KCNT2: variants seen among roughly 807,000 people sequenced by gnomAD.
The protein encoded by KCNT2 is potassium channel subfamily T member 2.
In KCNT2, 67 loss-of-function variants were observed where a neutral mutation model predicts 153.8. The observed-to-expected ratio is 0.44, with a 90% CI of 0.36 to 0.53. KCNT2 has a LOEUF of 0.53. KCNT2 is among the 20% of genes least tolerant of loss of function. The pLI is 0.00. For missense variants in KCNT2, 975 were observed against 1,354.8 expected (o/e 0.72, Z 4.40); for synonymous variants, 500 against 458.8 (o/e 1.09, Z -1.15).
At chr1:196,588,339 A>C (rs567096268) in intron 1 of KCNT2, among the ~76,000 whole-genome samples, 37 of 152,106 alleles carry the variant, frequency 2.4e-4, no homozygotes, top group South Asian at 6.2e-4. Flanking sequence ...TGCAGTACAC[A>C]ACAAATGTGA....
chr1:196,281,119 A>G (rs571043558), intron 24 of KCNT2, 131 bp from the exon 25 acceptor site: 4 of 669,028 alleles, frequency 6.0e-6, no homozygotes, highest in East Asian at 2.8e-5. Context: ...CTACAGTGCA[A>G]CGGTGCAACC....
At chr1:196,431,268 A>G (rs1480614668) in intron 8 of KCNT2, among the ~76,000 whole-genome samples, 2 of 152,176 alleles carry the variant, frequency 1.3e-5, no homozygotes, top group Non-Finnish European at 2.9e-5. Context: ...ACACTGAGAA[A>G]TAGGGTGTTG....
chr1:196,269,962 C>T (rs1230567242), intron 25 of KCNT2, among the ~76,000 whole-genome samples: 2 of 151,994 alleles, frequency 1.3e-5, no homozygotes, highest in Non-Finnish European at 2.9e-5. Flanking sequence ...CCTTAATTTT[C>T]TCATGTTTCT....
chr1:196,519,695 G>A (rs995099852), intron 1 of KCNT2, among the ~76,000 whole-genome samples: 1 of 152,034 alleles, frequency 6.6e-6, no homozygotes, highest in African/African-American at 2.4e-5. Flanking sequence ...AAACCTAGAT[G>A]AGATGGATAA....
intron 1 of KCNT2, among the ~76,000 whole-genome samples, chr1:196,606,872 A>G (rs112420504): frequency 0.059 from 9,020 of 152,272 alleles, 407 homozygotes; most frequent in Non-Finnish European, 0.088. Flanking sequence ...AATTTGTATT[A>G]CAAATTCACT....
At chr1:196,411,093 CCTTCCTTCCTTCCTTCCT>C (rs1672277654) in intron 12 of KCNT2, among the ~76,000 whole-genome samples, 3 of 68,936 alleles carry the variant, frequency 4.4e-5, no homozygotes, top group Non-Finnish European at 6.7e-5. Context: ...TTCCTTCCTT[CCTTCCTTCCTTCCTTCCT>C]TCCTTCCTTC....
intron 1 of KCNT2, among the ~76,000 whole-genome samples, chr1:196,554,432 A>C (rs574757176): frequency 1.3e-5 from 2 of 151,364 alleles, no homozygotes; most frequent in East Asian, 3.9e-4. Context: ...CTAGACACAT[A>C]GGGAGTACCA....
intron 1 of KCNT2, among the ~76,000 whole-genome samples, chr1:196,575,988 A>AAAG (rs1174172551): frequency 7.5e-4 from 114 of 151,494 alleles, no homozygotes; most frequent in Admixed American, 3.4e-3. Context: ...AAAAAAAAAA[A>AAAG]AAAAAATTGA....
chr1:196,399,018 A>G (rs1277358276), intron 12 of KCNT2, among the ~76,000 whole-genome samples: 1 of 151,620 alleles, frequency 6.6e-6, no homozygotes, highest in African/African-American at 2.4e-5. Context: ...GAAATCAAAA[A>G]TGTACATATA....
At chr1:196,545,548 T>A (rs1345192037) in intron 1 of KCNT2, among the ~76,000 whole-genome samples, 1 of 151,980 alleles carries the variant, frequency 6.6e-6, no homozygotes, top group Non-Finnish European at 1.5e-5. Flanking sequence ...CTTTAATAGA[T>A]TTTTTGCCGT....
chr1:196,584,684 C>T (rs1662465046), intron 1 of KCNT2, among the ~76,000 whole-genome samples: 2 of 151,918 alleles, frequency 1.3e-5, no homozygotes, highest in African/African-American at 4.8e-5. Flanking sequence ...AGAGAAAATT[C>T]CTGTCAACTT....
chr1:196,418,947 C>A (rs1400326642), intron 12 of KCNT2, among the ~76,000 whole-genome samples: 3 of 151,956 alleles, frequency 2.0e-5, no homozygotes, highest in Non-Finnish European at 4.4e-5. Flanking sequence ...TGAAGTTCTC[C>A]ACTCCTCACA....
Position 196,258,197 on chromosome 1 carries a change from A to G in KCNT2, c.3208T>C (p.Tyr1070His). 1.2e-6 allele frequency: 2 copies of G among 1,613,686 alleles called. No homozygotes were observed. Among genetic ancestry groups the G allele is most frequent in the Non-Finnish European group, 1.7e-6 (2 of 1,179,750 alleles). The change falls in exon 26 of 28, where the codon TAT becomes CAT. Residue 1070 changes from tyrosine to histidine, a missense_variant. By Grantham distance (83) the Tyr-to-His change is moderately conservative. Coordinates refer to ENST00000294725, the MANE Select transcript of KCNT2 (RefSeq NM_198503.5). ...CAGTAGTTTTTAAAGAGCATACCAT[A>G]TCCCACTGTAGAAAGACCCAAGTGT... ...MKHLGLSTVGYDEMNDHQSTL... is the reference protein window; with the variant it reads ...MKHLGLSTVGHDEMNDHQSTL...
intron 14 of KCNT2, among the ~76,000 whole-genome samples, chr1:196,342,454 A>G (rs1665765097): frequency 6.8e-6 from 1 of 146,056 alleles, no homozygotes; most frequent in African/African-American, 2.5e-5. Context: ...ATATGTATAT[A>G]TATATATATG....
chr1:196,437,339 T>C (rs1341662470), intron 8 of KCNT2, among the ~76,000 whole-genome samples: 3 of 138,374 alleles, frequency 2.2e-5, no homozygotes, highest in East Asian at 4.2e-4. Flanking sequence ...CATATTTTTA[T>C]TTATTTTTAT....
intron 26 of KCNT2, among the ~76,000 whole-genome samples, chr1:196,251,345 G>A (rs1431087918): frequency 1.3e-5 from 2 of 151,874 alleles, no homozygotes; most frequent in African/African-American, 2.4e-5. Context: ...TTCATAAAGT[G>A]TTTTTTTCCT....
intron 1 of KCNT2, among the ~76,000 whole-genome samples, chr1:196,556,443 A>G (rs1658673401): frequency 6.6e-6 from 1 of 151,506 alleles, no homozygotes; most frequent in Non-Finnish European, 1.5e-5. Flanking sequence ...CAAAACTGTA[A>G]TGAGATAACC....
At chr1:196,555,276 T>C (rs1283244144) in intron 1 of KCNT2, among the ~76,000 whole-genome samples, 1 of 151,022 alleles carries the variant, frequency 6.6e-6, no homozygotes, top group Non-Finnish European at 1.5e-5. Context: ...CAGAAAACTA[T>C]TAGAACTGTT....
Position 196,280,917 on chromosome 1 carries a change from A to G in KCNT2, c.2853T>C (p.Thr951=), listed in dbSNP as rs1170920795. Residue 951 remains threonine (T), a synonymous_variant, in exon 25 of 28, where the codon ACT becomes ACC. Transcript: ENST00000294725. ...TGTAGATTCCAATGGGAACATCTCC[A>G]GTAGAAGAACACAACTTCTGATAAA... ...ARLYQKLCSS[T]GDVPIGIYRT... is the part of the protein sequence containing the mutation. 1 of 1,610,676 alleles carries G rather than the reference A, an allele frequency of 6.2e-7. No homozygotes were observed. Among genetic ancestry groups the G allele is most frequent in the Non-Finnish European group, 8.5e-7 (1 of 1,176,922 alleles).
Sources: allele counts gnomAD v4.1 joint callset (sites outside exome capture counted in the v4.1 genomes callset), GRCh38; gene constraint gnomAD v4.1.1; transcripts MANE v1.5; gene names NCBI Gene and HGNC (gene_info 2026-07-23, HGNC 2026-07-21).